ARHGEF18: variants seen among roughly 807,000 people sequenced by gnomAD.
ARHGEF18 encodes Rho/Rac guanine nucleotide exchange factor 18.
In ARHGEF18, 93 loss-of-function variants were observed where a neutral mutation model predicts 155.7. The ratio of observed to expected loss-of-function variants is 0.60; its 90% CI spans 0.50 to 0.71. The LOEUF is 0.71. ARHGEF18 is among the 30% of genes least tolerant of loss of function. ARHGEF18 has a pLI of 0.00. For missense variants in ARHGEF18, 1,593 were observed against 1,816.1 expected, an observed-to-expected ratio of 0.88 and a Z score of 2.23; for synonymous variants, 742 against 753.1, an observed-to-expected ratio of 0.99 and a Z score of 0.24.
At chr19:7,437,189 G>T (rs1342609057) in intron 10 of ARHGEF18, among the ~76,000 whole-genome samples, 1 of 152,110 alleles carries the variant, frequency 6.6e-6, no homozygotes, top group African/African-American at 2.4e-5. Context: ...AGCACTTAGG[G>T]AGGCCGAGGT....
chr19:7,475,329 G>C (rs73488437), downstream of ARHGEF18, among the ~76,000 whole-genome samples: 8,087 of 152,202 alleles, frequency 0.053, 751 homozygotes, highest in African/African-American at 0.18. Flanking sequence ...CCCAGGGACA[G>C]AGTAGTGGTC....
Position 7,469,016 on chromosome 19 carries a change from G to C in ARHGEF18, c.3672G>C (p.Gln1224His). The change falls in exon 27 of 29, where the codon CAG becomes CAC. Residue 1224 changes from glutamine to histidine, a missense_variant. By Grantham distance (24) the Gln-to-His change is conservative. Coordinates refer to ENST00000668164, the MANE Select transcript of ARHGEF18 (RefSeq NM_001367823.1). The part of the protein sequence containing the change: ...VPIQLLSATN[Q>H]FQRQAAVQQQ... ...TCCAGCTGCTCAGCGCCACCAACCA[G>C]TTCCAGAGGCAGGCGGCCGTGCAGC... 2 of 1,601,328 alleles carry C rather than the reference G, an allele frequency of 1.2e-6. No homozygotes were observed. Among genetic ancestry groups the C allele is most frequent in the Non-Finnish European group, 1.7e-6 (2 of 1,174,888 alleles).
At chr19:7,418,318 G>A (rs530388050) in intron 10 of ARHGEF18, among the ~76,000 whole-genome samples, 46 of 152,166 alleles carry the variant, frequency 3.0e-4, no homozygotes, top group African/African-American at 1.0e-3. Context: ...GAGTGCAGTC[G>A]CACAATCACA....
intron 10 of ARHGEF18, among the ~76,000 whole-genome samples, chr19:7,396,773 G>A: frequency 6.6e-6 from 1 of 151,512 alleles, no homozygotes; most frequent in South Asian, 2.1e-4. Context: ...CTGGGTTCTG[G>A]TCCCAGTTCC....
chr19:7,409,392 T>C lies in ARHGEF18; in HGVS notation c.967+26189T>C, dbSNP rs905206099. 8.1e-5 allele frequency among the ~76,000 whole-genome samples: 12 copies of C among 148,488 alleles called. No homozygotes were observed. In the South Asian group the frequency reaches 1.5e-3, roughly 18 times the overall value. On this transcript the variant is annotated intron_variant, in intron 10 of 28. Transcript: ENST00000668164. ...TCCATGCTATGGAAAGGTTGGCCTC[T>C]GTGAGAGTTTGGATTAGATTGGAAA...
chr19:7,474,843 A>G (rs1264553907), downstream of ARHGEF18, among the ~76,000 whole-genome samples: 1 of 147,068 alleles, frequency 6.8e-6, no homozygotes, highest in East Asian at 2.0e-4. Flanking sequence ...ACCTCTGCCT[A>G]GCTGACCCCT....
At chr19:7,402,206 G>A (rs1012101255) in intron 10 of ARHGEF18, among the ~76,000 whole-genome samples, 5 of 152,122 alleles carry the variant, frequency 3.3e-5, no homozygotes, top group African/African-American at 7.2e-5. Context: ...AGATCACAAC[G>A]TCAGGAGTTC....
chr19:7,385,443 C>CATTATT (rs142755963), intron 10 of ARHGEF18, among the ~76,000 whole-genome samples: 9,512 of 136,578 alleles, frequency 0.07, 359 homozygotes, highest in Non-Finnish European at 0.078. Flanking sequence ...CTGGGAACTT[C>CATTATT]ATTATTATTA....
chr19:7,477,646 C>G, the ARHGEF18 span, among the ~76,000 whole-genome samples: 2 of 152,118 alleles, frequency 1.3e-5, no homozygotes, highest in Non-Finnish European at 2.9e-5. Context: ...GAACCCGGGT[C>G]CAAGTCCTCA....
chr19:7,433,066 C>G (rs944183426), intron 10 of ARHGEF18, among the ~76,000 whole-genome samples: 1 of 152,032 alleles, frequency 6.6e-6, no homozygotes. Flanking sequence ...GAGGCTGAGG[C>G]TGGAGGATCC....
chr19:7,447,773 C>A (rs998213768), intron 15 of ARHGEF18, among the ~76,000 whole-genome samples: 3 of 151,874 alleles, frequency 2.0e-5, no homozygotes, highest in Non-Finnish European at 4.4e-5. Flanking sequence ...GCAGGAGGAT[C>A]ACTTGAGGCC....
In ARHGEF18 at chr19:7,467,524, C is replaced by A; in HGVS notation, c.3320C>A (p.Ala1107Asp). The A allele has an allele frequency of 7.0e-7, 1 of 1,437,974 alleles. No individual in the cohort carries two copies. Among genetic ancestry groups the A allele is most frequent in the South Asian group, 1.4e-5 (1 of 70,628 alleles). 89.1% of individuals were successfully genotyped at this position (1,437,974 alleles called of 1,614,324 possible). Residue 1107 changes from alanine to aspartate, a missense_variant, in exon 26 of 29, where the codon GCC becomes GAC. Ala to Asp is a moderately radical substitution (Grantham distance 126). Transcript: ENST00000668164. Reference sequence around the variant, plus strand: ...CGCGAGCGGCTGGAGCAGGAGCGGGCCGAGCTGGAGCGCCAGCGCCAGGCC... The same window carrying A: ...CGCGAGCGGCTGGAGCAGGAGCGGGACGAGCTGGAGCGCCAGCGCCAGGCC... The part of the protein sequence containing the change: ...QLRERLEQER[A>D]ELERQRQAYQ...
Position 7,462,193 on chromosome 19 carries a change from C to T in ARHGEF18, c.2494C>T (p.Leu832=). 2.5e-6 allele frequency: 4 copies of T among 1,613,996 alleles called. No homozygotes were observed. The highest frequency in any genetic ancestry group is 3.4e-6 in the Non-Finnish European group (4 of 1,180,014). The change falls in exon 21 of 29, where the codon CTA becomes TTA. Residue 832 remains leucine, a synonymous_variant. Transcript: ENST00000668164. The surrounding 1 kb of genome is among the most constrained non-coding windows in gnomAD (Gnocchi z 4.4). ...MKDQLIAQSL[L]EKQQIYLEMA... Reference sequence around the variant, plus strand: ...AGACCAGCTGATCGCACAGAGCCTCCTAGAGAAACAGCAGATCTACCTGGA... The same window carrying T: ...AGACCAGCTGATCGCACAGAGCCTCTTAGAGAAACAGCAGATCTACCTGGA...
At position 7,444,325 on chromosome 19, in the gene ARHGEF18, C is replaced by A; in HGVS notation, c.1482C>A (p.Cys494Ter). Residue 494 changes from cysteine (C) to a stop codon, truncating the protein, a stop_gained, in exon 14 of 29, where the codon TGC becomes TGA. Coordinates refer to ENST00000668164, the MANE Select transcript of ARHGEF18 (RefSeq NM_001367823.1). LOFTEE classifies it high-confidence loss of function. This position sits in a 1 kb window ranked among gnomAD's most constrained non-coding sequence, Gnocchi z 4.7. ...SSKAIGRLFP[C>*]ADDLLETHSH... ...AGGCCATTGGCCGCCTCTTCCCATGCGCTGACGACCTGCTGGAGACGCACA... is the reference window on the plus strand; with the variant it reads ...AGGCCATTGGCCGCCTCTTCCCATGAGCTGACGACCTGCTGGAGACGCACA... 6.2e-7 allele frequency: 1 copy of A among 1,613,670 alleles called. No individual in the cohort carries two copies. Among genetic ancestry groups the A allele is most frequent in the Non-Finnish European group, 8.5e-7 (1 of 1,180,036 alleles).
chr19:7,466,892 C>T (rs749395635), intron 23 of ARHGEF18, 26 bp from the exon 24 acceptor site: 13 of 1,611,794 alleles, frequency 8.1e-6, no homozygotes, highest in East Asian at 2.2e-5. Context: ...GCCACTCTCT[C>T]TGGTTTGACG....
At position 7,462,286 on chromosome 19, in the gene ARHGEF18, T is replaced by C; in HGVS notation, c.2587T>C (p.Ser863Pro). 1 of 1,611,792 alleles carries C rather than the reference T, an allele frequency of 6.2e-7. No homozygotes were observed. The highest frequency in any genetic ancestry group is 8.5e-7 in the Non-Finnish European group (1 of 1,179,230). The change falls in exon 21 of 29, where the codon TCC (serine) becomes CCC (proline). Residue 863 changes from serine to proline, a missense_variant. By Grantham distance (74) the Ser-to-Pro change is moderately conservative. Coordinates refer to ENST00000668164, the MANE Select transcript of ARHGEF18 (RefSeq NM_001367823.1). This position sits in a 1 kb window ranked among gnomAD's most constrained non-coding sequence, Gnocchi z 4.4. ...PRGLFRGGDPSETLQGELILK... is the reference protein window; with the variant it reads ...PRGLFRGGDPPETLQGELILK... ...AGGCCTATTCCGTGGAGGGGACCCA[T>C]CCGAGACCCTGCAGGGGGAGCTAAT...
chr19:7,381,722 T>TAAATAAAA (rs1555703241), intron 8 of ARHGEF18, among the ~76,000 whole-genome samples: 11 of 145,966 alleles, frequency 7.5e-5, no homozygotes, highest in African/African-American at 2.6e-4. Flanking sequence ...AATAAATAAA[T>TAAATAAAA]AAAAATAAAA....
At chr19:7,451,407 T>A in intron 16 of ARHGEF18, 141 bp downstream of exon 16, 6 of 451,834 alleles carry the variant, frequency 1.3e-5, no homozygotes, top group Admixed American at 4.5e-5. Context: ...TTCCTTCCTT[T>A]TTTTTTTTTT....
At chr19:7,398,461 C>T (rs926912674) in intron 10 of ARHGEF18, among the ~76,000 whole-genome samples, 53 of 151,840 alleles carry the variant, frequency 3.5e-4, no homozygotes, top group African/African-American at 1.0e-3. Context: ...CTTGGGAGGT[C>T]GAGGTGGGCA....
Sources: gnomAD v4.1 joint callset for allele counts (sites outside exome capture counted in the v4.1 genomes callset) on GRCh38, gnomAD v4.1.1 for gene constraint, Gnocchi (gnomAD v3.1) non-coding constraint, MANE v1.5 for transcripts, NCBI Gene and HGNC (gene_info 2026-07-23, HGNC 2026-07-21) for gene names.